The following SLC25A13 variants were observed in gnomAD, a reference collection of about 807,000 sequenced individuals.
SLC25A13 encodes electrogenic aspartate/glutamate antiporter SLC25A13, mitochondrial.
In SLC25A13, 70 loss-of-function variants were observed where a neutral mutation model predicts 85.5. The ratio of observed to expected loss-of-function variants is 0.82; its 90% CI spans 0.68 to 1.00. The LOEUF (loss-of-function observed/expected upper bound fraction) is 1.00. SLC25A13 is among the 50% of genes least tolerant of loss of function. The pLI is 0.00. For missense variants in SLC25A13, 765 were observed against 819.8 expected, an observed-to-expected ratio of 0.93 and a Z score of 0.82; for synonymous variants, 259 against 288.7, an observed-to-expected ratio of 0.90 and a Z score of 1.04.
intron 2 of SLC25A13, among the ~76,000 whole-genome samples, chr7:96,284,488 T>C (rs1798811106): frequency 6.6e-6 from 1 of 152,344 alleles, no homozygotes; most frequent in African/African-American, 2.4e-5. Flanking sequence ...CTCTGTAATA[T>C]GTCTTCTGTT....
At chr7:96,152,280 C>T (rs930679115) in intron 13 of SLC25A13, among the ~76,000 whole-genome samples, 1 of 152,166 alleles carries the variant, frequency 6.6e-6, no homozygotes, top group Admixed American at 6.5e-5. Context: ...GTAAACACAG[C>T]TTAGGAGCTG....
intron 5 of SLC25A13, among the ~76,000 whole-genome samples, chr7:96,201,555 A>G (rs1795257892): frequency 6.6e-6 from 1 of 151,724 alleles, no homozygotes; most frequent in South Asian, 2.1e-4. Context: ...TTTCACTAAT[A>G]CAAACAAGAC....
At chr7:96,241,101 A>G (rs1253099256) in intron 3 of SLC25A13, among the ~76,000 whole-genome samples, 1 of 143,352 alleles carries the variant, frequency 7.0e-6, no homozygotes, top group African/African-American at 2.5e-5. Context: ...AAAGAAAGAA[A>G]GAAAGGCACT....
chr7:96,321,497 T>G (rs763832780), intron 1 of SLC25A13, among the ~76,000 whole-genome samples: 1 of 152,086 alleles, frequency 6.6e-6, no homozygotes, highest in East Asian at 1.9e-4. Context: ...TGAAACGTAA[T>G]AGGATCAGGC....
Position 96,167,009 on chromosome 7 carries a change from G to A in SLC25A13, c.1311+3036C>T, listed in dbSNP as rs1020034667. Reference sequence around the variant, plus strand: ...TTAGAATGCAGAAACCCAAGTTAGGGAGAAAACACAAACCACAAAGGATTC... The same window carrying A: ...TTAGAATGCAGAAACCCAAGTTAGGAAGAAAACACAAACCACAAAGGATTC... On this transcript the variant is annotated intron_variant, in intron 13 of 17. Coordinates refer to ENST00000265631, the MANE Select transcript of SLC25A13 (RefSeq NM_014251.3). 14 of 152,250 alleles carry A rather than the reference G, an allele frequency of 9.2e-5. No homozygotes were observed. In the East Asian group the frequency reaches 2.5e-3, roughly 27 times the overall value. 9.4% of individuals were successfully genotyped at this position (152,250 alleles called of 1,614,324 possible).
intron 4 of SLC25A13, among the ~76,000 whole-genome samples, chr7:96,229,510 G>A (rs558866408): frequency 3.0e-4 from 45 of 152,236 alleles, no homozygotes; most frequent in African/African-American, 7.2e-4. Flanking sequence ...CCCCTTCCAC[G>A]CTGTGGAAGC....
chr7:96,152,457 G>C (rs761051542), intron 13 of SLC25A13, among the ~76,000 whole-genome samples: 4 of 152,224 alleles, frequency 2.6e-5, no homozygotes, highest in Non-Finnish European at 5.9e-5. Flanking sequence ...ACTGAATAGA[G>C]GTGGCTGGGT....
intron 5 of SLC25A13, among the ~76,000 whole-genome samples, chr7:96,203,857 G>C (rs945758584): frequency 5.3e-5 from 8 of 152,210 alleles, no homozygotes; most frequent in Non-Finnish European, 4.4e-5. Flanking sequence ...AGGAATGCTA[G>C]ATGTTTAGCA....
At chr7:96,243,071 T>C (rs1797052926) in intron 3 of SLC25A13, among the ~76,000 whole-genome samples, 1 of 152,088 alleles carries the variant, frequency 6.6e-6, no homozygotes, top group Non-Finnish European at 1.5e-5. Flanking sequence ...TTCAAGCAAT[T>C]CTCCTGCCTC....
At chr7:96,284,479 T>C (rs925565555) in intron 2 of SLC25A13, among the ~76,000 whole-genome samples, 1 of 152,226 alleles carries the variant, frequency 6.6e-6, no homozygotes, top group African/African-American at 2.4e-5. Context: ...ACTATGTTAC[T>C]CTGTAATATG....
chr7:96,130,478 T>C (rs1397570488), intron 15 of SLC25A13, among the ~76,000 whole-genome samples: 3 of 152,210 alleles, frequency 2.0e-5, no homozygotes, highest in Non-Finnish European at 2.9e-5. Flanking sequence ...CATTTATAGC[T>C]GAGGAAACCA....
chr7:96,195,693 C>A (rs1002958106), intron 5 of SLC25A13, among the ~76,000 whole-genome samples: 7 of 152,148 alleles, frequency 4.6e-5, no homozygotes, highest in Non-Finnish European at 8.8e-5. Context: ...CCCTGCCAGA[C>A]CTGCCACACA....
chr7:96,231,866 G>C (rs1343294412), intron 4 of SLC25A13, among the ~76,000 whole-genome samples: 4 of 152,104 alleles, frequency 2.6e-5, no homozygotes, highest in Non-Finnish European at 5.9e-5. Context: ...ACTACAACTA[G>C]ATACCATCTC....
At chr7:96,306,550 G>A (rs556573775) in intron 1 of SLC25A13, among the ~76,000 whole-genome samples, 1 of 152,014 alleles carries the variant, frequency 6.6e-6, no homozygotes, top group South Asian at 2.1e-4. Flanking sequence ...TCCTACGATG[G>A]GAGTACAGCA....
At chr7:96,252,022 A>G (rs1314617165) in intron 3 of SLC25A13, among the ~76,000 whole-genome samples, 2 of 152,180 alleles carry the variant, frequency 1.3e-5, no homozygotes, top group South Asian at 2.1e-4. Flanking sequence ...AAACGTCTTT[A>G]TATTTTTTTT....
intron 1 of SLC25A13, chr7:96,307,004 C>A (rs1437221638): frequency 8.7e-6 from 7 of 800,746 alleles, no homozygotes; most frequent in Admixed American, 4.3e-5. Context: ...CATGAGTCTG[C>A]GGTGGGTCCC....
chr7:96,127,335 T>C (rs966365391), intron 15 of SLC25A13, among the ~76,000 whole-genome samples: 1 of 152,244 alleles, frequency 6.6e-6, no homozygotes. Context: ...CTTTGGCCAA[T>C]GAACATGAAT....
At chr7:96,207,685 T>C (rs986952059) in intron 5 of SLC25A13, among the ~76,000 whole-genome samples, 2 of 152,200 alleles carry the variant, frequency 1.3e-5, no homozygotes, top group Non-Finnish European at 2.9e-5. Context: ...AATGTTGTAT[T>C]TAAAGTATTT....
intron 3 of SLC25A13, among the ~76,000 whole-genome samples, chr7:96,271,717 G>A (rs1798244407): frequency 6.6e-6 from 1 of 151,824 alleles, no homozygotes; most frequent in African/African-American, 2.4e-5. Flanking sequence ...TACTATATAT[G>A]TAAAATATAT....
Sources: gnomAD v4.1 joint callset for allele counts (sites outside exome capture counted in the v4.1 genomes callset) on GRCh38, gnomAD v4.1.1 for gene constraint, MANE v1.5 for transcripts, NCBI Gene and HGNC (gene_info 2026-07-23, HGNC 2026-07-21) for gene names.